Variants in PCDHA11 observed in about 807,000 individuals in gnomAD.
PCDHA11 encodes protocadherin alpha 11.
PCDHA11 carries 61 observed loss-of-function variants against 70.3 expected under a neutral mutation model. The ratio of observed to expected loss-of-function variants is 0.87; its 90% CI spans 0.71 to 1.07. The LOEUF is 1.07. PCDHA11 is among the 50% of genes least tolerant of loss of function. The pLI is 0.00. For synonymous variants in PCDHA11, 633 were observed against 555.1 expected (o/e 1.14, Z -1.97); for missense variants, 1,324 against 1,237.5 (o/e 1.07, Z -1.05).
At chr5:140,993,540 A>T (rs1189758746) in intron 3 of PCDHA11, among the ~76,000 whole-genome samples, 7 of 151,678 alleles carry the variant, frequency 4.6e-5, no homozygotes, top group Non-Finnish European at 8.8e-5. Context: ...AGAGAGAGAT[A>T]GAGAAGTGAA....
At chr5:140,997,918 A>G (rs2097790482) in intron 3 of PCDHA11, among the ~76,000 whole-genome samples, 1 of 152,220 alleles carries the variant, frequency 6.6e-6, no homozygotes, top group South Asian at 2.1e-4. Context: ...TTACAGAATC[A>G]TAGGATATAA....
intron 1 of PCDHA11, chr5:140,966,696 G>A (rs2096039255): frequency 7.4e-7 from 1 of 1,358,662 alleles, no homozygotes. Flanking sequence ...GGCGGGGCCC[G>A]GGCGTGGGGC....
intron 3 of PCDHA11, among the ~76,000 whole-genome samples, chr5:141,007,447 A>T (rs2153992021): frequency 6.6e-6 from 1 of 151,258 alleles, no homozygotes; most frequent in South Asian, 2.1e-4. Flanking sequence ...ATGTGCCTGT[A>T]GTCCCAGCTA....
chr5:140,927,980 G>A, intron 1 of PCDHA11: 2 of 1,614,220 alleles, frequency 1.2e-6, no homozygotes, highest in Non-Finnish European at 1.7e-6. Flanking sequence ...GCTCTCTTTA[G>A]TGTAAAGGAT....
intron 3 of PCDHA11, among the ~76,000 whole-genome samples, chr5:141,000,421 ATTTTTTTT>A (rs34755515): frequency 1.4e-4 from 4 of 27,978 alleles, no homozygotes; most frequent in African/African-American, 7.1e-4. Flanking sequence ...ATATATATAT[ATTTTTTTT>A]TTTTTTTTTT....
intron 1 of PCDHA11, chr5:140,884,380 C>T (rs1281344307): frequency 6.2e-7 from 1 of 1,613,980 alleles, no homozygotes; most frequent in Non-Finnish European, 8.5e-7. Context: ...TCATTGCCAT[C>T]TGCGCGGTGT....
chr5:140,922,412 G>A lies in PCDHA11; in HGVS notation c.2391+50918G>A, dbSNP rs80310986. Among the ~76,000 whole-genome samples the A allele has an allele frequency of 7.3e-3, 1,117 of 152,260 alleles. 9 individuals carry two copies. Among genetic ancestry groups the A allele is most frequent in the Non-Finnish European group, 0.011 (755 of 68,032 alleles). ...CCTTGTTTTGGATTAAAAAGATCTA[G>A]GTACAGAGGCTGAGGGCAGAACTCT... is the stretch of plus-strand genomic sequence containing the variant. On this transcript the variant is annotated intron_variant, in intron 1 of 3. Coordinates refer to ENST00000398640, the MANE Select transcript of PCDHA11 (RefSeq NM_018902.5).
intron 1 of PCDHA11, chr5:140,929,215 T>C (rs1554206842): frequency 1.2e-6 from 2 of 1,613,934 alleles, no homozygotes; most frequent in East Asian, 2.2e-5. Context: ...GCGTGGGGAG[T>C]ACAATGCTGC....
chr5:140,906,023 G>A (rs952070346), intron 1 of PCDHA11, among the ~76,000 whole-genome samples: 7 of 152,128 alleles, frequency 4.6e-5, no homozygotes, highest in Admixed American at 3.3e-4. Flanking sequence ...ATCTCTCCAC[G>A]TTCTTCTGTC....
intron 3 of PCDHA11, among the ~76,000 whole-genome samples, chr5:140,988,281 A>G (rs2097291171): frequency 2.0e-5 from 3 of 152,202 alleles, no homozygotes; most frequent in Admixed American, 2.0e-4. Context: ...GTCACCTGCC[A>G]TCTGACAGCC....
chr5:140,997,610 C>A (rs1223241020), intron 3 of PCDHA11, among the ~76,000 whole-genome samples: 1 of 151,776 alleles, frequency 6.6e-6, no homozygotes, highest in Non-Finnish European at 1.5e-5. Flanking sequence ...GGGCGCATGA[C>A]TATATAGAGA....
chr5:141,009,772 C>T lies in PCDHA11; in HGVS notation c.2685C>T (p.Ile895=). The T allele has an allele frequency of 1.9e-6, 3 of 1,614,158 alleles. No individual in the cohort carries two copies. Among genetic ancestry groups the T allele is most frequent in the Non-Finnish European group, 2.5e-6 (3 of 1,180,032 alleles). The stretch of plus-strand genomic sequence containing the variant: ...TCATTATCCCAGGATCTCCTGCAAT[C>T]ATCTCCATCCGGCAGGAGCCTACTA... ...DKFIIPGSPA[I]ISIRQEPTNS... Residue 895 remains isoleucine (I), a synonymous_variant, in exon 4 of 4, where the codon ATC becomes ATT. Coordinates refer to ENST00000398640, the MANE Select transcript of PCDHA11 (RefSeq NM_018902.5).
Position 140,883,537 on chromosome 5 carries a change from G to A in PCDHA11, c.2391+12043G>A, listed in dbSNP as rs782001309. 3 of 1,614,238 alleles carry A rather than the reference G, an allele frequency of 1.9e-6. No individual in the cohort carries two copies. The African/African-American group carries it at 4.0e-5, about 22-fold the overall frequency. On this transcript the variant is annotated intron_variant, in intron 1 of 3. Transcript: ENST00000398640. ...GCGAGAGCGTATCAGCCTATGAACT[G>A]GTGGTGACCGCGCGGGACGGGGGCT...
At chr5:140,926,771 A>C (rs2083548742) in intron 1 of PCDHA11, 11 of 1,372,492 alleles carry the variant, frequency 8.0e-6, no homozygotes, top group Non-Finnish European at 1.0e-5. Context: ...TCCAGCCCGC[A>C]GCAGTGACGG....
Position 140,871,255 on chromosome 5 carries a change from A to G in PCDHA11, c.2152A>G (p.Thr718Ala), listed in dbSNP as rs201468806. 5.6e-6 allele frequency: 9 copies of G among 1,613,976 alleles called. No individual in the cohort carries two copies. Among genetic ancestry groups the G allele is most frequent in the Non-Finnish European group, 7.6e-6 (9 of 1,179,958 alleles). ...SLLVLTLLLY[T>A]ALWWSATPTE... ...CCTGGTACTCACGCTGCTGCTGTAT[A>G]CGGCGCTGTGGTGGTCGGCAACGCC... The change falls in exon 1 of 4, where the codon ACG (threonine) becomes GCG (alanine). Residue 718 changes from threonine to alanine, a missense_variant. By Grantham distance (58) the Thr-to-Ala change is moderately conservative. Coordinates refer to ENST00000398640, the MANE Select transcript of PCDHA11 (RefSeq NM_018902.5).
rs782530772 is a variant in PCDHA11 at position 140,869,179 on chromosome 5, G to A, written c.76G>A (p.Val26Met). The A allele has an allele frequency of 7.4e-6, 12 of 1,613,988 alleles. No individual in the cohort carries two copies. The highest frequency in any genetic ancestry group is 1.7e-4 in the Middle Eastern group (1 of 6,054). The change falls in exon 1 of 4, where the codon GTG (valine) becomes ATG (methionine). Residue 26 changes from valine to methionine, a missense_variant. Coordinates refer to ENST00000398640, the MANE Select transcript of PCDHA11 (RefSeq NM_018902.5). ...GCTTCTCCTCCTCGAATTCTGGGAG[G>A]TGGGGAGCGGCCAGCTCCACTACTC... ...LWLLLLEFWE[V>M]GSGQLHYSVS...
In PCDHA11 at chr5:140,941,217, T is replaced by TTC. The variant is rs1483555953; in HGVS notation, c.2392-37730_2392-37729dup. Among the ~76,000 whole-genome samples, 308 of 126,180 alleles carry TTC rather than the reference T, an allele frequency of 2.4e-3. 1 individual carries two copies. Among genetic ancestry groups the TTC allele is most frequent in the African/African-American group, 9.4e-3 (294 of 31,220 alleles). The allele number at this position is 126,180 out of a possible 152,430, so 82.8% of individuals were successfully genotyped here. On this transcript the variant is annotated intron_variant, in intron 1 of 3. Coordinates refer to ENST00000398640, the MANE Select transcript of PCDHA11 (RefSeq NM_018902.5). ...TTTCTTTCTTCCTTTCTTTCTTCCT[T>TTC]TCTTTCTTTCTTTCTTTCTTTCTTT...
intron 1 of PCDHA11, among the ~76,000 whole-genome samples, chr5:140,891,498 G>C (rs566885852): frequency 6.6e-6 from 1 of 151,186 alleles, no homozygotes; most frequent in East Asian, 1.9e-4. Flanking sequence ...CATATCCTCA[G>C]CTATAATGTT....
chr5:140,901,175 T>C (rs2068484045), intron 1 of PCDHA11, among the ~76,000 whole-genome samples: 1 of 152,162 alleles, frequency 6.6e-6, no homozygotes, highest in African/African-American at 2.4e-5. Context: ...CTTCACTTTG[T>C]TGATTGTTTG....
Sources: allele counts gnomAD v4.1 joint callset (sites outside exome capture counted in the v4.1 genomes callset), GRCh38; gene constraint gnomAD v4.1.1; transcripts MANE v1.5; gene names NCBI Gene and HGNC (gene_info 2026-07-23, HGNC 2026-07-21).